VPS13C: variants seen among roughly 807,000 people sequenced by gnomAD.
VPS13C encodes intermembrane lipid transfer protein VPS13C.
VPS13C carries 358 observed loss-of-function variants against 456.8 expected under a neutral mutation model. That is an observed-to-expected ratio of 0.78 (90% CI 0.72 to 0.86). The LOEUF (loss-of-function observed/expected upper bound fraction) is 0.86, where lower values mean the gene tolerates loss of function less well. VPS13C is among the 40% of genes least tolerant of loss of function. VPS13C has a pLI of 0.00. For synonymous variants in VPS13C, 1,578 were observed against 1,486.7 expected (o/e 1.06, Z -1.41); for missense variants, 4,818 against 4,385.4 (o/e 1.10, Z -2.79).
chr15:61,949,488 G>C lies in VPS13C; in HGVS notation c.4714C>G (p.Leu1572Val), dbSNP rs1164374098. 2.5e-6 allele frequency: 4 copies of C among 1,613,598 alleles called. No individual in the cohort carries two copies. The Admixed American group carries it at 5.0e-5, about 20-fold the overall frequency. The change falls in exon 42 of 85, where the codon CTG (leucine) becomes GTG (valine). Residue 1572 changes from leucine (L) to valine (V), a missense_variant. Leu to Val is a conservative substitution (Grantham distance 32). Coordinates refer to ENST00000644861, the MANE Select transcript of VPS13C (RefSeq NM_020821.3). ...EPSSSEKESE[L>V]KPLVGESRSI... is the part of the protein sequence containing the mutation. ...CTGGACTCCCCCACAAGTGGTTTCA[G>C]CTCGGATTCCTTCTCAGAAGAGGAA... is the stretch of plus-strand genomic sequence containing the variant.
intron 3 of VPS13C, among the ~76,000 whole-genome samples, chr15:62,037,280 T>TATAATATATAATATATA (rs1567136662): frequency 3.0e-5 from 1 of 33,684 alleles, no homozygotes; most frequent in African/African-American, 1.4e-4. Context: ...TATAATATAT[T>TATAATATATAATATATA]ATATATATTA....
Position 61,920,552 on chromosome 15 carries a change from T to A in VPS13C, c.7158A>T (p.Thr2386=). 1.9e-6 allele frequency: 3 copies of A among 1,578,244 alleles called. No homozygotes were observed. Among genetic ancestry groups the A allele is most frequent in the Non-Finnish European group, 2.6e-6 (3 of 1,168,334 alleles). ...QMAIHISSGN[T]MNITISKSCL... is the part of the protein sequence containing the mutation. ...AACTTTTGGATATTGTTATATTCAT[T>A]GTATTTCCTGAAGAAATATGAATTG... Residue 2386 remains threonine (T), a synonymous_variant, in exon 56 of 85, where the codon ACA becomes ACT. Transcript: ENST00000644861.
At chr15:61,972,410 C>T (rs2045580345) in intron 27 of VPS13C, among the ~76,000 whole-genome samples, 1 of 152,114 alleles carries the variant, frequency 6.6e-6, no homozygotes, top group Non-Finnish European at 1.5e-5. Context: ...ATCATTCTTA[C>T]ATCAGTTTTT....
At chr15:61,991,901 T>C in intron 16 of VPS13C, 99 bp from the exon 17 acceptor site, 1 of 1,202,564 alleles carries the variant, frequency 8.3e-7, no homozygotes, top group Non-Finnish European at 1.1e-6. Context: ...TTTTTTTTTT[T>C]AACGCTACGT....
chr15:61,948,210 T>G (rs1387185341), intron 42 of VPS13C, among the ~76,000 whole-genome samples: 1 of 152,222 alleles, frequency 6.6e-6, no homozygotes. Context: ...TTTAAACATT[T>G]CTTTTTCATT....
chr15:61,860,423 G>T (rs1446006777), intron 82 of VPS13C, among the ~76,000 whole-genome samples: 1 of 151,988 alleles, frequency 6.6e-6, no homozygotes, highest in Non-Finnish European at 1.5e-5. Context: ...AAATGACTTG[G>T]CGATATACAG....
chr15:61,994,076 C>T (rs1466944970), intron 16 of VPS13C, among the ~76,000 whole-genome samples: 2 of 152,138 alleles, frequency 1.3e-5, no homozygotes, highest in Admixed American at 6.5e-5. Flanking sequence ...GCCTTCACTT[C>T]CTTCTCTGTC....
At chr15:61,985,838 T>C (rs1211969070) in intron 18 of VPS13C, among the ~76,000 whole-genome samples, 1 of 151,826 alleles carries the variant, frequency 6.6e-6, no homozygotes, top group Non-Finnish European at 1.5e-5. Flanking sequence ...CTCCTAGAGG[T>C]ATTTGGAAAT....
chr15:61,898,543 G>A (rs2042901926), intron 66 of VPS13C, among the ~76,000 whole-genome samples: 1 of 152,126 alleles, frequency 6.6e-6, no homozygotes, highest in Non-Finnish European at 1.5e-5. Flanking sequence ...AATTCAACAA[G>A]AAGAGCTAAC....
At chr15:62,050,528 T>C (rs1196453995) in intron 1 of VPS13C, among the ~76,000 whole-genome samples, 1 of 152,314 alleles carries the variant, frequency 6.6e-6, no homozygotes, top group African/African-American at 2.4e-5. Flanking sequence ...GTGCAGTGAG[T>C]GGCTCATGCC....
Position 62,010,457 on chromosome 15 carries a change from C to A in VPS13C, c.1011+15G>T. 1 of 1,576,332 alleles carries A rather than the reference C, an allele frequency of 6.3e-7. No homozygotes were observed. The highest frequency in any genetic ancestry group is 1.2e-5 in the South Asian group (1 of 84,190). On this transcript the variant is annotated intron_variant, in intron 13 of 84. Transcript: ENST00000644861. ...CAAGGCTAATCAAAGCTGGAAATAT[C>A]CACATGAATCATACCTGAGGTTTGG...
At chr15:61,906,290 C>T (rs1336688776) in intron 66 of VPS13C, among the ~76,000 whole-genome samples, 1 of 152,190 alleles carries the variant, frequency 6.6e-6, no homozygotes, top group Non-Finnish European at 1.5e-5. Flanking sequence ...AGACTATCTG[C>T]TGACTGAGGT....
In VPS13C at chr15:62,012,221, GACACACACACACACACACACACAC is replaced by G. The variant is rs67220908; in HGVS notation, c.826-81_826-58del. Reference sequence around the variant, plus strand: ...GAAAATGCACACATATTCAGACTCAGACACACACACACACACACACACACACACACACACACAAAGCTTGGTTCT... The same window carrying G: ...GAAAATGCACACATATTCAGACTCAGACACACACACACAAAGCTTGGTTCT... On this transcript the variant is annotated intron_variant, in intron 11 of 84. Transcript: ENST00000644861. 1.6e-5 allele frequency: 8 copies of G among 511,140 alleles called. No individual in the cohort carries two copies. The East Asian group carries it at 2.6e-4, about 16-fold the overall frequency. 31.7% of individuals were successfully genotyped at this position (511,140 alleles called of 1,614,324 possible). A position where few individuals can be genotyped will look rare whatever the true frequency, so the allele number is the denominator to read the frequency against.
chr15:61,994,476 T>A lies in VPS13C; in HGVS notation c.1354-2674A>T, dbSNP rs545922034. 2.8e-4 allele frequency among the ~76,000 whole-genome samples: 42 copies of A among 152,300 alleles called. 1 individual carries two copies. The highest frequency in any genetic ancestry group is 9.9e-4 in the African/African-American group (41 of 41,566). On this transcript the variant is annotated intron_variant, in intron 16 of 84. Transcript: ENST00000644861. ...TTGCCTGTGAGAAAATAAGGGATGT[T>A]TGAGAAAATGCAGAGATAAGGCTAT...
chr15:62,025,801 T>A (rs1175236948), intron 6 of VPS13C, among the ~76,000 whole-genome samples: 1 of 152,072 alleles, frequency 6.6e-6, no homozygotes, highest in Non-Finnish European at 1.5e-5. Flanking sequence ...CCATTTAGCA[T>A]TTATAACTTG....
intron 66 of VPS13C, among the ~76,000 whole-genome samples, chr15:61,896,460 T>C (rs1336226535): frequency 1.3e-5 from 2 of 151,908 alleles, no homozygotes; most frequent in Non-Finnish European, 2.9e-5. Flanking sequence ...GGTCAGGGAG[T>C]TCCCTTTCCT....
At chr15:62,035,405 G>C (rs1468313048) in intron 3 of VPS13C, among the ~76,000 whole-genome samples, 1 of 151,940 alleles carries the variant, frequency 6.6e-6, no homozygotes, top group African/African-American at 2.4e-5. Context: ...TCTATCTAGT[G>C]AGTTAAGCAG....
chr15:62,027,173 C>G (rs1431759481), intron 6 of VPS13C, among the ~76,000 whole-genome samples: 1 of 151,938 alleles, frequency 6.6e-6, no homozygotes, highest in African/African-American at 2.4e-5. Flanking sequence ...ATATCATCAA[C>G]AAAATAAACT....
chr15:61,868,617 TA>T, intron 81 of VPS13C, 41 bp downstream of exon 81: 1 of 1,568,998 alleles, frequency 6.4e-7, no homozygotes. Context: ...TAGAAATCAT[TA>T]AAATTCCATT....
Sources: allele counts gnomAD v4.1 joint callset (sites outside exome capture counted in the v4.1 genomes callset), GRCh38; gene constraint gnomAD v4.1.1; transcripts MANE v1.5; gene names NCBI Gene and HGNC (gene_info 2026-07-23, HGNC 2026-07-21).